Variants in CDH13 observed in about 807,000 individuals in gnomAD.
CDH13 encodes the protein cadherin-13.
A neutral mutation model predicts 63.8 loss-of-function variants in CDH13; 24 were observed. The observed-to-expected ratio is 0.38, with a 90% CI of 0.27 to 0.53. The LOEUF (loss-of-function observed/expected upper bound fraction) is 0.53, where lower values mean the gene tolerates loss of function less well. Ranked by LOEUF, CDH13 falls within the 20% of genes least tolerant of loss-of-function variation. The pLI, the probability that CDH13 is intolerant of heterozygous loss-of-function variation, is 0.85. For synonymous variants in CDH13, 503 were observed against 355.3 expected (o/e 1.42, Z -4.67); for missense variants, 1,049 against 903.1 (o/e 1.16, Z -2.07).
At chr16:83,172,202 G>A (rs1384500568) in intron 4 of CDH13, among the ~76,000 whole-genome samples, 1 of 152,068 alleles carries the variant, frequency 6.6e-6, no homozygotes, top group Non-Finnish European at 1.5e-5. Flanking sequence ...TGAAAATAAA[G>A]GCAGATGGCC....
intron 8 of CDH13, among the ~76,000 whole-genome samples, chr16:83,658,006 G>A (rs1482752453): frequency 1.4e-5 from 2 of 145,820 alleles, no homozygotes; most frequent in East Asian, 2.0e-4. Context: ...CACCAGCAAG[G>A]TCCCATATCC....
At chr16:83,092,963 A>C (rs2033991903) in intron 3 of CDH13, among the ~76,000 whole-genome samples, 1 of 152,304 alleles carries the variant, frequency 6.6e-6, no homozygotes, top group Non-Finnish European at 1.5e-5. Flanking sequence ...AAACTTCCCC[A>C]AGTTAGTAAG....
At chr16:82,634,420 A>T (rs1908400537) in intron 1 of CDH13, among the ~76,000 whole-genome samples, 1 of 152,212 alleles carries the variant, frequency 6.6e-6, no homozygotes, top group Non-Finnish European at 1.5e-5. Flanking sequence ...AAGTTGCTGG[A>T]CACTGCCAGC....
chr16:83,356,211 C>CGT (rs2091050954), intron 6 of CDH13, among the ~76,000 whole-genome samples: 87 of 60,788 alleles, frequency 1.4e-3, no homozygotes, highest in East Asian at 0.01. Context: ...TATTTATTTT[C>CGT]ATGTGTGTGT....
rs1450286118 is a variant in CDH13 at position 83,014,751 on chromosome 16, T to C, written c.158-17259T>C. On this transcript the variant is annotated intron_variant, in intron 2 of 13. Coordinates refer to ENST00000567109, the MANE Select transcript of CDH13 (RefSeq NM_001257.5). ...ATCTAAAAAAAAAAAAAAATATATATATATATATATATATATATATATATG... is the reference window on the plus strand; with the variant it reads ...ATCTAAAAAAAAAAAAAAATATATACATATATATATATATATATATATATG... 1.5e-3 allele frequency among the ~76,000 whole-genome samples: 55 copies of C among 35,880 alleles called. 3 individuals carry two copies. The East Asian group carries it at 0.036, about 24-fold the overall frequency. The allele number at this position is 35,880 out of a possible 152,430, so 23.5% of individuals were successfully genotyped here. A position where few individuals can be genotyped will look rare whatever the true frequency, so the allele number is the denominator to read the frequency against.
At chr16:83,048,124 C>A (rs953686918) in intron 3 of CDH13, among the ~76,000 whole-genome samples, 1 of 152,128 alleles carries the variant, frequency 6.6e-6, no homozygotes, top group African/African-American at 2.4e-5. Context: ...AGAATGATTT[C>A]CGCATGCAGA....
intron 7 of CDH13, among the ~76,000 whole-genome samples, chr16:83,585,925 G>T (rs1442070256): frequency 6.6e-6 from 1 of 152,112 alleles, no homozygotes; most frequent in Non-Finnish European, 1.5e-5. Flanking sequence ...CCAAGAGGTT[G>T]GGTTTCTATC....
At chr16:82,715,090 T>C (rs989662415) in intron 1 of CDH13, among the ~76,000 whole-genome samples, 2 of 149,510 alleles carry the variant, frequency 1.3e-5, no homozygotes, top group Non-Finnish European at 3.0e-5. Context: ...ACTGGGAACT[T>C]AGACAGGACC....
intron 4 of CDH13, among the ~76,000 whole-genome samples, chr16:83,173,443 C>T (rs951655523): frequency 5.9e-5 from 9 of 151,894 alleles, no homozygotes; most frequent in Non-Finnish European, 7.4e-5. Flanking sequence ...CATAGTTAAC[C>T]GTGGGTCTCT....
intron 6 of CDH13, among the ~76,000 whole-genome samples, chr16:83,485,566 A>T (rs1216262662): frequency 2.0e-5 from 3 of 151,992 alleles, no homozygotes; most frequent in Admixed American, 6.6e-5. Flanking sequence ...CATTCCCTTT[A>T]ACTGGAATGC....
At chr16:83,525,472 T>A (rs542022958) in intron 7 of CDH13, among the ~76,000 whole-genome samples, 70 of 152,396 alleles carry the variant, frequency 4.6e-4, no homozygotes, top group African/African-American at 1.7e-3. Flanking sequence ...TGCTATGTTA[T>A]ACTGACTTGG....
At chr16:82,658,319 A>G (rs183935563) in intron 1 of CDH13, among the ~76,000 whole-genome samples, 156 of 152,236 alleles carry the variant, frequency 1.0e-3, no homozygotes, top group African/African-American at 3.6e-3. Context: ...GTGCACAGTT[A>G]CTGCTGGTTC....
At chr16:83,487,045 C>T (rs2073905335) in intron 7 of CDH13, among the ~76,000 whole-genome samples, 1 of 152,118 alleles carries the variant, frequency 6.6e-6, no homozygotes. Flanking sequence ...ACAGGCTGTC[C>T]TTGTTGCAGA....
intron 1 of CDH13, among the ~76,000 whole-genome samples, chr16:82,731,089 T>A (rs1597426452): frequency 6.6e-6 from 1 of 152,318 alleles, no homozygotes; most frequent in African/African-American, 2.4e-5. Context: ...CATTGGCAGC[T>A]TGAAGCTGGC....
intron 2 of CDH13, among the ~76,000 whole-genome samples, chr16:82,878,126 C>T (rs1053562822): frequency 6.6e-6 from 1 of 152,008 alleles, no homozygotes; most frequent in Non-Finnish European, 1.5e-5. Context: ...ATTGTCTGAG[C>T]CCCAAGGAAA....
intron 3 of CDH13, among the ~76,000 whole-genome samples, chr16:83,044,203 C>G (rs942130994): frequency 6.6e-6 from 1 of 152,188 alleles, no homozygotes; most frequent in South Asian, 2.1e-4. Context: ...AGTTAAGTAA[C>G]TTAACCAGTG....
At chr16:82,995,945 A>G (rs1165990908) in intron 2 of CDH13, among the ~76,000 whole-genome samples, 4 of 152,162 alleles carry the variant, frequency 2.6e-5, no homozygotes, top group Non-Finnish European at 4.4e-5. Context: ...CACAATCCTC[A>G]TACCCTTTAT....
At chr16:83,546,493 AG>A (rs2075388926) in intron 7 of CDH13, among the ~76,000 whole-genome samples, 1 of 151,446 alleles carries the variant, frequency 6.6e-6, no homozygotes, top group South Asian at 2.1e-4. Flanking sequence ...TCTGGGTTCA[AG>A]ACGTTCTGGA....
At chr16:82,993,303 T>A (rs1465298640) in intron 2 of CDH13, among the ~76,000 whole-genome samples, 1 of 152,182 alleles carries the variant, frequency 6.6e-6, no homozygotes, top group Non-Finnish European at 1.5e-5. Flanking sequence ...CCTATACTGT[T>A]GTTCTTGATT....
Sources: gnomAD v4.1 joint callset for allele counts (sites outside exome capture counted in the v4.1 genomes callset) on GRCh38, gnomAD v4.1.1 for gene constraint, MANE v1.5 for transcripts, NCBI Gene and HGNC (gene_info 2026-07-23, HGNC 2026-07-21) for gene names.